The following NUDCD1 variants were observed in gnomAD, a reference collection of about 807,000 sequenced individuals.
The protein encoded by NUDCD1 is NudC domain containing 1.
Under a neutral mutation model 67.8 loss-of-function variants are expected in NUDCD1, and 60 were observed. That is an observed-to-expected ratio of 0.88 (90% CI 0.72 to 1.10). The LOEUF (loss-of-function observed/expected upper bound fraction) is 1.10, where lower values mean the gene tolerates loss of function less well. NUDCD1 is among the 50% of genes least tolerant of loss of function. NUDCD1 has a pLI of 0.00. For synonymous variants in NUDCD1, 244 were observed against 230.8 expected (o/e 1.06, Z -0.52); for missense variants, 643 against 695.0 (o/e 0.93, Z 0.84).
At chr8:109,263,443 G>C (rs1315724412) in intron 8 of NUDCD1, among the ~76,000 whole-genome samples, 1 of 152,160 alleles carries the variant, frequency 6.6e-6, no homozygotes, top group Non-Finnish European at 1.5e-5. Context: ...TTTTAGACTT[G>C]AGAAATTGGC....
chr8:109,295,189 GTAT>G (rs1470821979), intron 3 of NUDCD1, among the ~76,000 whole-genome samples: 1 of 152,052 alleles, frequency 6.6e-6, no homozygotes, highest in African/African-American at 2.4e-5. Flanking sequence ...ATAATGTGTG[GTAT>G]TATTTTTAAG....
rs1813384370 is a variant in NUDCD1 at position 109,242,245 on chromosome 8, C to G, written c.*764G>C. On this transcript the variant is annotated 3_prime_UTR_variant, in exon 10 of 10. Coordinates refer to ENST00000239690, the MANE Select transcript of NUDCD1 (RefSeq NM_032869.4). ...AAGCTCTTGCATATTGGAGCTTGCTCTCTTAAGATGTTTTCTCTACTATGG... is the reference window on the plus strand; with the variant it reads ...AAGCTCTTGCATATTGGAGCTTGCTGTCTTAAGATGTTTTCTCTACTATGG... 1 of 396,548 alleles carries G rather than the reference C, an allele frequency of 2.5e-6. No individual in the cohort carries two copies. Among genetic ancestry groups the G allele is most frequent in the Non-Finnish European group, 4.5e-6 (1 of 224,662 alleles). The allele number at this position is 396,548 out of a possible 1,614,324, so 24.6% of individuals were successfully genotyped here.
chr8:109,241,760 A>G lies in NUDCD1; in HGVS notation c.*1249T>C, dbSNP rs1210060361. 4.2e-6 allele frequency: 1 copy of G among 235,480 alleles called. No individual in the cohort carries two copies. Among genetic ancestry groups the G allele is most frequent in the African/African-American group, 2.2e-5 (1 of 44,784 alleles). 14.6% of individuals were successfully genotyped at this position (235,480 alleles called of 1,614,324 possible). A position where few individuals can be genotyped will look rare whatever the true frequency, so the allele number is the denominator to read the frequency against. On this transcript the variant is annotated 3_prime_UTR_variant, in exon 10 of 10. Transcript: ENST00000239690. ...AGTCAAATACTTGCCCAGACAGGCA[A>G]AAGATATGTTAGGAACAAAGCTTTT... is the stretch of plus-strand genomic sequence containing the variant.
At chr8:109,248,735 T>C (rs977771016) in intron 8 of NUDCD1, among the ~76,000 whole-genome samples, 36 of 147,000 alleles carry the variant, frequency 2.4e-4, no homozygotes, top group Non-Finnish European at 1.6e-4. Flanking sequence ...AAAAAAAAGG[T>C]CCACATTGCC....
At chr8:109,295,256 G>A (rs775496664) in intron 3 of NUDCD1, among the ~76,000 whole-genome samples, 2 of 152,086 alleles carry the variant, frequency 1.3e-5, no homozygotes, top group African/African-American at 2.4e-5. Flanking sequence ...AATCCATACA[G>A]CTCAATACCA....
chr8:109,295,706 C>T (rs1260432806), intron 3 of NUDCD1, among the ~76,000 whole-genome samples: 1 of 152,070 alleles, frequency 6.6e-6, no homozygotes, highest in African/African-American at 2.4e-5. Context: ...TACAGAGATT[C>T]AGACAGTAGC....
chr8:109,319,087 C>T (rs1202167489), intron 2 of NUDCD1, among the ~76,000 whole-genome samples: 3 of 151,866 alleles, frequency 2.0e-5, no homozygotes, highest in African/African-American at 7.3e-5. Context: ...CATTCTCCTG[C>T]CTCAGCCTCC....
intron 2 of NUDCD1, among the ~76,000 whole-genome samples, chr8:109,310,781 A>G (rs888842357): frequency 1.3e-5 from 2 of 151,824 alleles, no homozygotes; most frequent in Non-Finnish European, 2.9e-5. Flanking sequence ...TCCCATCAAA[A>G]AGTGGGCTAA....
chr8:109,300,882 T>A (rs891514256), intron 2 of NUDCD1, among the ~76,000 whole-genome samples: 1 of 152,190 alleles, frequency 6.6e-6, no homozygotes, highest in African/African-American at 2.4e-5. Flanking sequence ...GAAAAACCTG[T>A]CAGATTAACA....
At chr8:109,331,630 C>A (rs558752726) in intron 1 of NUDCD1, among the ~76,000 whole-genome samples, 23 of 151,676 alleles carry the variant, frequency 1.5e-4, no homozygotes, top group African/African-American at 5.3e-4. Flanking sequence ...ACAAGGACAA[C>A]TTTGTGAATT....
chr8:109,284,487 C>T (rs1814529620), intron 5 of NUDCD1, among the ~76,000 whole-genome samples: 1 of 152,130 alleles, frequency 6.6e-6, no homozygotes, highest in Non-Finnish European at 1.5e-5. Context: ...TCCTACTCAT[C>T]TGCACACAGA....
chr8:109,293,486 T>C lies in NUDCD1; in HGVS notation c.498A>G (p.Ile166Met). 5.7e-6 allele frequency: 9 copies of C among 1,567,936 alleles called. No individual in the cohort carries two copies. Among genetic ancestry groups the C allele is most frequent in the Non-Finnish European group, 7.8e-6 (9 of 1,160,648 alleles). Reference protein sequence around the residue: ...FNEELGDPFIIIHSISLLNAE... With the variant: ...FNEELGDPFIMIHSISLLNAE... The stretch of plus-strand genomic sequence containing the variant: ...CATTTAGCAGTGAGATACTGTGAAT[T>C]ATAATAAAAGGATCCCCAAGTTCTT... The change falls in exon 4 of 10, where the codon ATA becomes ATG. Residue 166 changes from isoleucine to methionine, a missense_variant. Physicochemically the swap from Ile to Met is conservative, Grantham distance 10. Transcript: ENST00000239690.
intron 8 of NUDCD1, among the ~76,000 whole-genome samples, chr8:109,260,370 T>A (rs1813838448): frequency 6.6e-6 from 1 of 151,962 alleles, no homozygotes; most frequent in Non-Finnish European, 1.5e-5. Flanking sequence ...AATTTTTTTG[T>A]ATACACAAGA....
chr8:109,297,510 G>A (rs1447620572), intron 2 of NUDCD1, among the ~76,000 whole-genome samples: 2 of 138,086 alleles, frequency 1.4e-5, no homozygotes, highest in Non-Finnish European at 3.2e-5. Flanking sequence ...GACTGAAAGA[G>A]GGAGTTTGTC....
At chr8:109,333,580 G>A (rs1815867495) in intron 1 of NUDCD1, among the ~76,000 whole-genome samples, 1 of 152,118 alleles carries the variant, frequency 6.6e-6, no homozygotes, top group Non-Finnish European at 1.5e-5. Context: ...CGAAACAGAA[G>A]CCAGGCTGTG....
chr8:109,261,746 T>C (rs1238497188), intron 8 of NUDCD1, among the ~76,000 whole-genome samples: 1 of 152,188 alleles, frequency 6.6e-6, no homozygotes, highest in Non-Finnish European at 1.5e-5. Context: ...ATATTTTTAA[T>C]AAAAGACTTC....
At chr8:109,303,608 T>A (rs1262364765) in intron 2 of NUDCD1, among the ~76,000 whole-genome samples, 1 of 151,640 alleles carries the variant, frequency 6.6e-6, no homozygotes, top group African/African-American at 2.4e-5. Flanking sequence ...CCCTGACTAT[T>A]CCTAGGCTAC....
chr8:109,290,568 A>T (rs1814689365), intron 4 of NUDCD1, among the ~76,000 whole-genome samples: 1 of 152,026 alleles, frequency 6.6e-6, no homozygotes, highest in South Asian at 2.1e-4. Flanking sequence ...AGCAGAAATG[A>T]TTTTTTTTAC....
chr8:109,293,459 A>C lies in NUDCD1; in HGVS notation c.525T>G (p.Ala175=). The part of the protein sequence containing the change: ...IIIHSISLLN[A]EEHSIATLLL... ...GTAGGGTAGCTATAGAATGTTCTTCAGCATTTAGCAGTGAGATACTGTGAA... is the reference window on the plus strand; with the variant it reads ...GTAGGGTAGCTATAGAATGTTCTTCCGCATTTAGCAGTGAGATACTGTGAA... The change falls in exon 4 of 10, where the codon GCT becomes GCG. Residue 175 remains alanine (A), a synonymous_variant. Transcript: ENST00000239690. 6.3e-7 allele frequency: 1 copy of C among 1,591,142 alleles called. No individual in the cohort carries two copies. Among genetic ancestry groups the C allele is most frequent in the South Asian group, 1.1e-5 (1 of 88,048 alleles).
Sources: gnomAD v4.1 joint callset for allele counts (sites outside exome capture counted in the v4.1 genomes callset) on GRCh38, gnomAD v4.1.1 for gene constraint, MANE v1.5 for transcripts, NCBI Gene and HGNC (gene_info 2026-07-23, HGNC 2026-07-21) for gene names.